The following TAB2 variants were observed in gnomAD, a reference collection of about 807,000 sequenced individuals.
TAB2 encodes the protein TGF-beta activated kinase 1 (MAP3K7) binding protein 2, also known as TGF-beta-activated kinase 1 and MAP3K7-binding protein 2.
TAB2 carries 3 observed loss-of-function variants against 65.0 expected under a neutral mutation model. The observed-to-expected ratio is 0.05, with a 90% CI of 0.02 to 0.12. TAB2 has a LOEUF of 0.12. Among genes scored for constraint, TAB2 ranks in the 10% least tolerant of loss-of-function variants. TAB2 has a pLI of 1.00. For synonymous variants in TAB2, 298 were observed against 285.1 expected (o/e 1.05, Z -0.46); for missense variants, 623 against 840.3 (o/e 0.74, Z 3.20).
At chr6:149,387,899 C>T (rs1002109385) in intron 3 of TAB2, among the ~76,000 whole-genome samples, 3 of 152,090 alleles carry the variant, frequency 2.0e-5, no homozygotes, top group Non-Finnish European at 4.4e-5. Context: ...AATATCTAAC[C>T]AGTCCATTCT....
intron 1 of TAB2, among the ~76,000 whole-genome samples, chr6:149,248,460 G>A (rs149432998): frequency 0.011 from 1,381 of 126,548 alleles, 25 homozygotes; most frequent in African/African-American, 0.039. Flanking sequence ...AGAAAAGAAG[G>A]AAGGAAGGAA....
intron 1 of TAB2, among the ~76,000 whole-genome samples, chr6:149,301,861 T>C (rs1486876099): frequency 1.3e-5 from 2 of 152,304 alleles, no homozygotes; most frequent in Middle Eastern, 3.4e-3. Context: ...AGCTACTACT[T>C]TGGAAAATAG....
At chr6:149,244,975 A>G (rs968406837) in intron 1 of TAB2, 2 of 152,144 alleles carry the variant, frequency 1.3e-5, no homozygotes, top group Admixed American at 1.3e-4. Flanking sequence ...CAAGACCTCA[A>G]GTTTAGATAT....
intron 1 of TAB2, among the ~76,000 whole-genome samples, chr6:149,327,054 G>A (rs1779641576): frequency 6.6e-6 from 1 of 152,168 alleles, no homozygotes; most frequent in African/African-American, 2.4e-5. Context: ...AAAAATTTAA[G>A]TGGGAGAAAC....
At chr6:149,294,004 T>C (rs1778829551) in intron 1 of TAB2, among the ~76,000 whole-genome samples, 1 of 152,136 alleles carries the variant, frequency 6.6e-6, no homozygotes, top group Non-Finnish European at 1.5e-5. Flanking sequence ...TTTAAAGTTA[T>C]AAGTGAAGAG....
At chr6:149,375,983 CTTCT>C (rs1349465893) in intron 2 of TAB2, among the ~76,000 whole-genome samples, 1 of 152,064 alleles carries the variant, frequency 6.6e-6, no homozygotes, top group African/African-American at 2.4e-5. Context: ...TTTTAGTCCA[CTTCT>C]TTCTTAATAT....
chr6:149,284,741 C>T (rs1778639076), intron 1 of TAB2, among the ~76,000 whole-genome samples: 1 of 151,928 alleles, frequency 6.6e-6, no homozygotes, highest in Non-Finnish European at 1.5e-5. Flanking sequence ...GCCTGAAGGG[C>T]ATACCTTATT....
chr6:149,319,182 T>C (rs1779356684), intron 1 of TAB2, among the ~76,000 whole-genome samples: 1 of 152,260 alleles, frequency 6.6e-6, no homozygotes, highest in East Asian at 1.9e-4. Context: ...CTAAAGGTTA[T>C]GATGATCATT....
chr6:149,401,579 C>T (rs958957284), intron 6 of TAB2, among the ~76,000 whole-genome samples: 12 of 152,128 alleles, frequency 7.9e-5, no homozygotes, highest in African/African-American at 1.9e-4. Context: ...ACAGTTCTGA[C>T]GACAGAAATT....
intron 6 of TAB2, chr6:149,401,242 G>A (rs1009968535): frequency 1.8e-5 from 3 of 166,528 alleles, no homozygotes; most frequent in Admixed American, 1.3e-4. Context: ...TTCAAGTCAG[G>A]CTTCTTATTT....
At chr6:149,265,346 G>A (rs9498273) in intron 1 of TAB2, among the ~76,000 whole-genome samples, 3,286 of 152,202 alleles carry the variant, frequency 0.022, 101 homozygotes, top group African/African-American at 0.075. Flanking sequence ...TTTCCATAAC[G>A]TAAGTCTACA....
intron 6 of TAB2, among the ~76,000 whole-genome samples, chr6:149,409,271 G>A (rs940036298): frequency 1.3e-5 from 2 of 152,128 alleles, no homozygotes; most frequent in Non-Finnish European, 2.9e-5. Context: ...ATCTTGAGTG[G>A]TATTATGGGA....
chr6:149,332,571 T>C (rs1779815891), intron 1 of TAB2, among the ~76,000 whole-genome samples: 1 of 152,188 alleles, frequency 6.6e-6, no homozygotes. Flanking sequence ...CATCTAATAG[T>C]GTCTTACTAA....
chr6:149,325,064 T>C (rs906762293), intron 1 of TAB2, among the ~76,000 whole-genome samples: 1 of 152,148 alleles, frequency 6.6e-6, no homozygotes, highest in Non-Finnish European at 1.5e-5. Flanking sequence ...ATTTTTCAGC[T>C]TCTCAGCCCC....
chr6:149,315,669 T>G (rs1301117908), upstream of TAB2, among the ~76,000 whole-genome samples: 1 of 152,238 alleles, frequency 6.6e-6, no homozygotes, highest in Non-Finnish European at 1.5e-5. Flanking sequence ...GTCTTTAGTT[T>G]TTTCTAGTCT....
At chr6:149,322,863 A>ATT (rs554602532) in intron 1 of TAB2, among the ~76,000 whole-genome samples, 1 of 152,182 alleles carries the variant, frequency 6.6e-6, no homozygotes, top group Non-Finnish European at 1.5e-5. Context: ...ATTATTAAGG[A>ATT]AAGTTTTTGC....
chr6:149,294,266 T>C (rs76246382), intron 1 of TAB2, among the ~76,000 whole-genome samples: 2,958 of 152,298 alleles, frequency 0.019, 107 homozygotes, highest in African/African-American at 0.068. Flanking sequence ...AAGGATGTGT[T>C]CCAGACCTCC....
In TAB2 at chr6:149,225,156, C is replaced by T. The variant is rs551144601; in HGVS notation, c.-121+6380C>T. Among the ~76,000 whole-genome samples the T allele has an allele frequency of 4.6e-5, 7 of 152,276 alleles. No homozygotes were observed. In the South Asian group the frequency reaches 6.2e-4, roughly 14 times the overall value. ...CTGACTCTGCTTTCAGGAGCTTATA[C>T]GCCAAACACCGGAAATGGAAAACTT... On this transcript the variant is annotated intron_variant, in intron 1 of 1. Transcript: ENST00000606202.
chr6:149,237,711 C>A (rs916431483), intron 1 of TAB2, among the ~76,000 whole-genome samples: 15 of 152,276 alleles, frequency 9.9e-5, no homozygotes, highest in African/African-American at 3.4e-4. Context: ...CAGGGTGCCC[C>A]ACACCTAACG....
Sources: allele counts gnomAD v4.1 joint callset (sites outside exome capture counted in the v4.1 genomes callset), GRCh38; gene constraint gnomAD v4.1.1; transcripts MANE v1.5; gene names NCBI Gene and HGNC (gene_info 2026-07-23, HGNC 2026-07-21).